ABCA13: variants seen among roughly 807,000 people sequenced by gnomAD.
ABCA13 encodes ATP-binding cassette sub-family A member 13.
A neutral mutation model predicts 478.7 loss-of-function variants in ABCA13; 476 were observed. The observed-to-expected ratio is 0.99, with a 90% CI of 0.92 to 1.07. The LOEUF (loss-of-function observed/expected upper bound fraction) is 1.07, where lower values mean the gene tolerates loss of function less well. Among genes scored for constraint, ABCA13 ranks in the 50% least tolerant of loss-of-function variants. The pLI is 0.00. For missense variants in ABCA13, 6,060 were observed against 5,910.6 expected (o/e 1.03, Z -0.83); for synonymous variants, 2,252 against 2,158.9 (o/e 1.04, Z -1.20).
chr7:48,470,024 C>A (rs1827312699), intron 44 of ABCA13, among the ~76,000 whole-genome samples: 1 of 152,226 alleles, frequency 6.6e-6, no homozygotes, highest in African/African-American at 2.4e-5. Flanking sequence ...CCAAATGACC[C>A]TCCTCCAGCA....
rs753562717 is a variant in ABCA13 at position 48,297,273 on chromosome 7, C to G, written c.9161C>G (p.Pro3054Arg). 1 of 1,609,646 alleles carries G rather than the reference C, an allele frequency of 6.2e-7. No individual in the cohort carries two copies. Among genetic ancestry groups the G allele is most frequent in the Non-Finnish European group, 8.5e-7 (1 of 1,177,952 alleles). Residue 3054 changes from proline to arginine, a missense_variant, in exon 22 of 62, where the codon CCC becomes CGC. This residue lies in a region of ABCA13 where 4,423 missense variants were observed against 4,309.1 expected (regional missense o/e 1.03). Transcript: ENST00000435803. ...SLEETWSSGN[P>R]IMTFLSNFTV... Reference sequence around the variant, plus strand: ...GAGGAAACTTGGTCATCAGGGAATCCCATCATGACTTTTCTCAGCAATTTC... The same window carrying G: ...GAGGAAACTTGGTCATCAGGGAATCGCATCATGACTTTTCTCAGCAATTTC...
chr7:48,475,326 CCAGTTCTCTGGT>C (rs1439655526), intron 45 of ABCA13, among the ~76,000 whole-genome samples: 1 of 152,110 alleles, frequency 6.6e-6, no homozygotes, highest in African/African-American at 2.4e-5. Context: ...AGACCCAAGG[CCAGTTCTCTGGT>C]CTTTAGTGTT....
At chr7:48,436,357 T>C (rs1822829673) in intron 42 of ABCA13, among the ~76,000 whole-genome samples, 1 of 151,724 alleles carries the variant, frequency 6.6e-6, no homozygotes, top group Admixed American at 6.6e-5. Context: ...TTCCGTAAAA[T>C]TGGCAGTAAC....
intron 48 of ABCA13, among the ~76,000 whole-genome samples, chr7:48,501,856 G>A (rs1250854091): frequency 1.3e-5 from 2 of 152,106 alleles, no homozygotes; most frequent in African/African-American, 4.8e-5. Context: ...TGCTCTGTAT[G>A]TTAGTAGGTG....
At chr7:48,642,538 T>C (rs906415448) in intron 59 of ABCA13, among the ~76,000 whole-genome samples, 3 of 152,204 alleles carry the variant, frequency 2.0e-5, no homozygotes, top group Non-Finnish European at 2.9e-5. Context: ...CATCAGAGTA[T>C]ATTCATGTAT....
At chr7:48,438,884 G>GTTT (rs59630845) in intron 42 of ABCA13, among the ~76,000 whole-genome samples, 1 of 139,398 alleles carries the variant, frequency 7.2e-6, no homozygotes. Context: ...TTTTGCTAAG[G>GTTT]TTTTTTTTTT....
intron 41 of ABCA13, among the ~76,000 whole-genome samples, chr7:48,422,055 C>CAAAAAAAAAAAAAAAAAAAA (rs4022355): frequency 5.0e-5 from 4 of 80,578 alleles, no homozygotes; most frequent in African/African-American, 8.7e-5. Flanking sequence ...GTCTTTCTTA[C>CAAAAAAAAAAAAAAAAAAAA]AAAAAAAAAA....
At position 48,507,852 on chromosome 7, in the gene ABCA13, CT is replaced by C; in HGVS notation, c.13347-19del. On this transcript the variant is annotated intron_variant, in intron 49 of 61. Transcript: ENST00000435803. ...GTGTTCTTCGTCAGGTGCCTGAGAG[CT>C]GCTCTGTTCCACCCGCAGCCTGGAG... The C allele has an allele frequency of 6.3e-7, 1 of 1,581,252 alleles. No homozygotes were observed. The highest frequency in any genetic ancestry group is 2.3e-5 in the East Asian group (1 of 43,726).
intron 48 of ABCA13, among the ~76,000 whole-genome samples, chr7:48,503,443 G>T (rs1830930890): frequency 6.6e-6 from 1 of 152,140 alleles, no homozygotes; most frequent in Non-Finnish European, 1.5e-5. Flanking sequence ...TCTCCCCATT[G>T]CCTCTTTCCC....
At chr7:48,297,737 T>G (rs377502342) in intron 22 of ABCA13, among the ~76,000 whole-genome samples, 2 of 152,156 alleles carry the variant, frequency 1.3e-5, no homozygotes, top group Non-Finnish European at 2.9e-5. Context: ...GAGTTTCTTA[T>G]AGCACTTGGT....
intron 1 of ABCA13, among the ~76,000 whole-genome samples, chr7:48,174,019 C>T (rs532243222): frequency 2.0e-5 from 3 of 152,196 alleles, no homozygotes; most frequent in Non-Finnish European, 4.4e-5. Context: ...AATATGTTTA[C>T]ATATCTTAAT....
intron 59 of ABCA13, among the ~76,000 whole-genome samples, chr7:48,628,604 C>G (rs2131625106): frequency 6.6e-6 from 1 of 152,280 alleles, no homozygotes; most frequent in South Asian, 2.1e-4. Context: ...TCTGAACAGA[C>G]TAATATTCCC....
chr7:48,478,367 C>A (rs1828381375), intron 45 of ABCA13, among the ~76,000 whole-genome samples: 1 of 149,948 alleles, frequency 6.7e-6, no homozygotes, highest in African/African-American at 2.5e-5. Flanking sequence ...TATGCATTAC[C>A]TCATGTACTT....
chr7:48,348,132 T>C (rs1808390809), intron 29 of ABCA13, among the ~76,000 whole-genome samples: 2 of 152,182 alleles, frequency 1.3e-5, no homozygotes, highest in South Asian at 4.1e-4. Context: ...TGACCTCTTG[T>C]TGAGTGAGGT....
chr7:48,626,290 A>G (rs912467473), intron 59 of ABCA13, among the ~76,000 whole-genome samples: 5 of 152,174 alleles, frequency 3.3e-5, no homozygotes, highest in Non-Finnish European at 7.4e-5. Context: ...TAGGGGAAGG[A>G]TTGGCACAGG....
intron 3 of ABCA13, among the ~76,000 whole-genome samples, chr7:48,207,528 A>AT (rs1182068597): frequency 1.3e-5 from 2 of 152,074 alleles, no homozygotes; most frequent in Non-Finnish European, 2.9e-5. Context: ...TGTAATTTGG[A>AT]TTTTCCCTTC....
chr7:48,420,475 A>G (rs1395304254), intron 41 of ABCA13, among the ~76,000 whole-genome samples: 2 of 152,240 alleles, frequency 1.3e-5, no homozygotes, highest in Non-Finnish European at 1.5e-5. Context: ...TTTCTGGCAT[A>G]ATGCAAACAG....
chr7:48,416,553 A>G (rs1820016406), intron 41 of ABCA13, among the ~76,000 whole-genome samples: 1 of 152,168 alleles, frequency 6.6e-6, no homozygotes, highest in Non-Finnish European at 1.5e-5. Context: ...TGAAGGGAAG[A>G]AACTTCTAGT....
At chr7:48,227,226 A>G (rs760785994) in intron 5 of ABCA13, 36 bp from the exon 6 acceptor site, 1 of 1,608,834 alleles carries the variant, frequency 6.2e-7, no homozygotes, top group Non-Finnish European at 8.5e-7. Flanking sequence ...ATAAAACTCC[A>G]GAGGGAAACT....
Sources: gnomAD v4.1 joint callset for allele counts (sites outside exome capture counted in the v4.1 genomes callset) on GRCh38, gnomAD v4.1.1 for gene constraint, gnomAD v4.1.1 regional missense constraint, MANE v1.5 for transcripts, NCBI Gene and HGNC (gene_info 2026-07-23, HGNC 2026-07-21) for gene names.